The following TMEFF2 variants were observed in gnomAD, a reference collection of about 807,000 sequenced individuals.
TMEFF2 encodes the protein tomoregulin-2.
Under a neutral mutation model 53.8 loss-of-function variants are expected in TMEFF2, and 28 were observed. The observed-to-expected ratio is 0.52, with a 90% CI of 0.39 to 0.71. The LOEUF (loss-of-function observed/expected upper bound fraction) is 0.71. TMEFF2 is among the 30% of genes least tolerant of loss of function. The pLI is 0.00. For synonymous variants in TMEFF2, 162 were observed against 166.3 expected (o/e 0.97, Z 0.20); for missense variants, 353 against 455.2 (o/e 0.78, Z 2.04).
At chr2:192,004,518 T>C (rs998452821) in intron 5 of TMEFF2, among the ~76,000 whole-genome samples, 7 of 152,170 alleles carry the variant, frequency 4.6e-5, no homozygotes, top group Non-Finnish European at 5.9e-5. Flanking sequence ...CAGTGGTGTA[T>C]GCCTGTAGTC....
At chr2:192,007,669 GC>G (rs1686531408) in intron 5 of TMEFF2, among the ~76,000 whole-genome samples, 1 of 152,168 alleles carries the variant, frequency 6.6e-6, no homozygotes, top group African/African-American at 2.4e-5. Flanking sequence ...GAATGAGGAG[GC>G]CTGAAAGGTT....
intron 4 of TMEFF2, among the ~76,000 whole-genome samples, chr2:192,106,229 T>C (rs951584121): frequency 1.1e-4 from 17 of 151,674 alleles, no homozygotes; most frequent in Admixed American, 6.6e-4. Flanking sequence ...ATAAAAAAGG[T>C]CATGATAAAC....
At chr2:192,161,502 T>A (rs764764354) in intron 4 of TMEFF2, among the ~76,000 whole-genome samples, 25 of 152,168 alleles carry the variant, frequency 1.6e-4, no homozygotes, top group Non-Finnish European at 3.2e-4. Flanking sequence ...AGTGAATCCA[T>A]AAGCCATGTC....
At chr2:192,192,089 T>A in intron 1 of TMEFF2, 100 bp from the exon 2 acceptor site, 1 of 782,392 alleles carries the variant, frequency 1.3e-6, no homozygotes, top group Non-Finnish European at 2.1e-6. Context: ...TCCTAAATTT[T>A]AAATCCAACA....
intron 4 of TMEFF2, among the ~76,000 whole-genome samples, chr2:192,102,122 GGA>G (rs1237179435): frequency 6.6e-6 from 1 of 152,022 alleles, no homozygotes; most frequent in Non-Finnish European, 1.5e-5. Flanking sequence ...AGTATGTCTG[GGA>G]GAGGTATATA....
intron 5 of TMEFF2, among the ~76,000 whole-genome samples, chr2:192,000,877 C>T (rs1014119845): frequency 2.3e-4 from 35 of 152,202 alleles, no homozygotes; most frequent in Admixed American, 1.6e-3. Flanking sequence ...AAACACTTAA[C>T]TCATTGAGGA....
chr2:191,966,887 GT>G (rs1324599829), intron 7 of TMEFF2, among the ~76,000 whole-genome samples: 2 of 152,026 alleles, frequency 1.3e-5, no homozygotes, highest in Non-Finnish European at 2.9e-5. Flanking sequence ...AACTGGAGGG[GT>G]TTTTATAATT....
At chr2:191,983,328 G>A (rs2105817416) in intron 7 of TMEFF2, among the ~76,000 whole-genome samples, 1 of 151,776 alleles carries the variant, frequency 6.6e-6, no homozygotes, top group Non-Finnish European at 1.5e-5. Context: ...GGTAGTACAA[G>A]GATGATCATT....
At chr2:192,122,342 G>A (rs561771583) in intron 4 of TMEFF2, among the ~76,000 whole-genome samples, 131 of 152,264 alleles carry the variant, frequency 8.6e-4, no homozygotes, top group Non-Finnish European at 1.1e-3. Context: ...ATATTTTGGC[G>A]TGTAATAGCT....
chr2:191,961,208 C>T (rs1191068101), intron 7 of TMEFF2, among the ~76,000 whole-genome samples: 2 of 152,142 alleles, frequency 1.3e-5, no homozygotes, highest in African/African-American at 4.8e-5. Context: ...AGGACCTTTA[C>T]TATGTAATGT....
At chr2:192,103,998 A>G (rs904786217) in intron 4 of TMEFF2, among the ~76,000 whole-genome samples, 1 of 152,056 alleles carries the variant, frequency 6.6e-6, no homozygotes, top group African/African-American at 2.4e-5. Context: ...GAGAGGACTA[A>G]CGCTTTCCAA....
intron 4 of TMEFF2, among the ~76,000 whole-genome samples, chr2:192,110,252 C>T (rs1268635835): frequency 6.6e-6 from 1 of 152,118 alleles, no homozygotes; most frequent in African/African-American, 2.4e-5. Context: ...AATATGTCCA[C>T]TGGATTTCAT....
At chr2:192,093,926 C>T (rs1430774669) in intron 4 of TMEFF2, among the ~76,000 whole-genome samples, 2 of 152,052 alleles carry the variant, frequency 1.3e-5, no homozygotes, top group Non-Finnish European at 2.9e-5. Flanking sequence ...GCGTTTTCAT[C>T]TAAGTTGAGG....
At chr2:192,045,403 T>C (rs569771358) in intron 5 of TMEFF2, among the ~76,000 whole-genome samples, 89 of 152,304 alleles carry the variant, frequency 5.8e-4, no homozygotes, top group African/African-American at 2.0e-3. Context: ...AGAAGGAAAT[T>C]TGGGGAAGAA....
chr2:192,034,941 G>A (rs767074610), intron 5 of TMEFF2: 9 of 152,194 alleles, frequency 5.9e-5, no homozygotes, highest in Non-Finnish European at 1.3e-4. Flanking sequence ...CAAGGCCTTC[G>A]GGGATAAGTG....
rs761926968 is a variant in TMEFF2 at position 191,950,418 on chromosome 2, G to A, written c.1029-11C>T. On this transcript the variant is annotated splice_polypyrimidine_tract_variant and intron_variant, in intron 9 of 9. Coordinates refer to ENST00000272771, the MANE Select transcript of TMEFF2 (RefSeq NM_016192.4). Reference sequence around the variant, plus strand: ...CTTCTGGGGCATTTCCTGGAAGGTTGGAAAGTTTACAAATCTCAGTCCAAT... The same window carrying A: ...CTTCTGGGGCATTTCCTGGAAGGTTAGAAAGTTTACAAATCTCAGTCCAAT... 7 of 1,613,730 alleles carry A rather than the reference G, an allele frequency of 4.3e-6. No individual in the cohort carries two copies. The East Asian group carries it at 1.1e-4, about 26-fold the overall frequency.
chr2:192,071,364 C>T (rs1425945818), intron 4 of TMEFF2, among the ~76,000 whole-genome samples: 1 of 151,812 alleles, frequency 6.6e-6, no homozygotes, highest in Non-Finnish European at 1.5e-5. Flanking sequence ...CCTAACTTTA[C>T]ATAACCTAGC....
intron 5 of TMEFF2, among the ~76,000 whole-genome samples, chr2:192,017,859 T>G (rs1686776875): frequency 1.3e-5 from 2 of 152,222 alleles, no homozygotes; most frequent in South Asian, 4.1e-4. Flanking sequence ...ACACTTGTTC[T>G]TTTCTCAGAA....
intron 5 of TMEFF2, among the ~76,000 whole-genome samples, chr2:192,004,436 G>T (rs1686448828): frequency 6.6e-6 from 1 of 152,126 alleles, no homozygotes; most frequent in South Asian, 2.1e-4. Flanking sequence ...ATAGCAACTT[G>T]TCAGTTTATT....
Sources: allele counts gnomAD v4.1 joint callset (sites outside exome capture counted in the v4.1 genomes callset), GRCh38; gene constraint gnomAD v4.1.1; transcripts MANE v1.5; gene names NCBI Gene and HGNC (gene_info 2026-07-23, HGNC 2026-07-21).